Variants in CPNE5 observed in about 807,000 individuals in gnomAD.
CPNE5 encodes copine-5.
Under a neutral mutation model 81.1 loss-of-function variants are expected in CPNE5, and 42 were observed. The ratio of observed to expected loss-of-function variants is 0.52; its 90% confidence interval spans 0.40 to 0.67. The LOEUF is 0.67. Among genes scored for constraint, CPNE5 ranks in the 30% least tolerant of loss-of-function variants. The pLI is 0.00. For synonymous variants in CPNE5, 313 were observed against 321.5 expected (o/e 0.97, Z 0.28); for missense variants, 612 against 815.5 (o/e 0.75, Z 3.04).
Position 36,743,866 on chromosome 6 carries a change from G to A in CPNE5, c.1490-104C>T, listed in dbSNP as rs141023219. 6,510 of 997,920 alleles carry A rather than the reference G, an allele frequency of 6.5e-3. 34 individuals carry two copies. The highest frequency in any genetic ancestry group is 0.013 in the Middle Eastern group (61 of 4,832). 61.8% of individuals were successfully genotyped at this position (997,920 alleles called of 1,614,324 possible). A position where few individuals can be genotyped will look rare whatever the true frequency, so the allele number is the denominator to read the frequency against. ...TTTCATCCCAGGCCAATCCAGGGCC[G>A]AGACCACTGGCCCATGCCCCGTGTT... On this transcript the variant is annotated intron_variant, in intron 19 of 20. Coordinates refer to ENST00000244751, the MANE Select transcript of CPNE5 (RefSeq NM_020939.2).
Position 36,782,997 on chromosome 6 carries a change from G to A in CPNE5, c.529-4040C>T, listed in dbSNP as rs570053021. On this transcript the variant is annotated intron_variant, in intron 8 of 20. Transcript: ENST00000244751. ...TAATGTAGAAGAATAGCGCCCCCTT[G>A]TGAGCCTGTGGAGAAGGCGAAAGGA... 2.6e-5 allele frequency among the ~76,000 whole-genome samples: 4 copies of A among 152,082 alleles called. 1 individual carries two copies. The highest frequency in any genetic ancestry group is 7.2e-5 in the African/African-American group (3 of 41,402).
intron 13 of CPNE5, 126 bp downstream of exon 13, chr6:36,756,119 C>CT: frequency 2.1e-6 from 1 of 467,288 alleles, no homozygotes; most frequent in Non-Finnish European, 3.9e-6. Context: ...CCCCATCTCT[C>CT]TTGGATGTCT....
Position 36,822,096 on chromosome 6 carries a change from G to A in CPNE5, c.183+18C>T, listed in dbSNP as rs1772101764. The stretch of plus-strand genomic sequence containing the variant: ...GGAACAGGCTGGTGTTTCTGGTGTG[G>A]GAAGGAGCTGCACCTACCTCCCGCC... On this transcript the variant is annotated intron_variant, in intron 3 of 20. Coordinates refer to ENST00000244751, the MANE Select transcript of CPNE5 (RefSeq NM_020939.2). 6.5e-7 allele frequency: 1 copy of A among 1,527,606 alleles called. No homozygotes were observed. The highest frequency in any genetic ancestry group is 8.8e-7 in the Non-Finnish European group (1 of 1,130,574). The allele number at this position is 1,527,606 out of a possible 1,614,324, so 94.6% of individuals were successfully genotyped here.
chr6:36,775,142 G>T, intron 9 of CPNE5, 77 bp from the exon 10 acceptor site: 2 of 1,045,022 alleles, frequency 1.9e-6, no homozygotes, highest in Non-Finnish European at 3.0e-6. Context: ...AGAGGAGTCA[G>T]CTGGTTCACA....
At chr6:36,793,623 C>T (rs1769291199) in intron 7 of CPNE5, among the ~76,000 whole-genome samples, 1 of 152,150 alleles carries the variant, frequency 6.6e-6, no homozygotes, top group Non-Finnish European at 1.5e-5. Context: ...CTCCCTCCCT[C>T]CCTGTCTTTG....
intron 10 of CPNE5, among the ~76,000 whole-genome samples, chr6:36,765,727 C>T (rs1025343098): frequency 6.6e-5 from 10 of 152,094 alleles, no homozygotes; most frequent in African/African-American, 1.4e-4. Context: ...GGTGGAGGAG[C>T]GGGGAGGTGG....
chr6:36,768,225 CTTTTTTTT>C (rs10586762), intron 10 of CPNE5, among the ~76,000 whole-genome samples: 4 of 60,514 alleles, frequency 6.6e-5, no homozygotes, highest in African/African-American at 1.9e-4. Context: ...ATTCACAGTT[CTTTTTTTT>C]TTTTTTTTTT....
intron 13 of CPNE5, 119 bp from the exon 14 acceptor site, chr6:36,753,214 C>T (rs1765037866): frequency 5.4e-6 from 4 of 738,590 alleles, no homozygotes; most frequent in Non-Finnish European, 7.3e-6. Context: ...TGCATGACTG[C>T]ATGCACTGCC....
intron 8 of CPNE5, among the ~76,000 whole-genome samples, chr6:36,781,622 C>T (rs537215649): frequency 6.8e-5 from 10 of 147,712 alleles, no homozygotes; most frequent in African/African-American, 2.4e-4. Context: ...ACTTTAAATG[C>T]CCCCCTAGGG....
chr6:36,808,305 G>A (rs1770782857), intron 3 of CPNE5, among the ~76,000 whole-genome samples: 1 of 152,072 alleles, frequency 6.6e-6, no homozygotes, highest in Admixed American at 6.6e-5. Context: ...TGACCAGGCT[G>A]GTCTCGAACT....
chr6:36,814,739 G>A (rs1771384774), intron 3 of CPNE5, among the ~76,000 whole-genome samples: 1 of 152,160 alleles, frequency 6.6e-6, no homozygotes, highest in African/African-American at 2.4e-5. Context: ...GCTCAGGTTG[G>A]TAAAGGGACA....
chr6:36,816,402 C>A (rs1026307082), intron 3 of CPNE5, among the ~76,000 whole-genome samples: 1 of 152,198 alleles, frequency 6.6e-6, no homozygotes, highest in African/African-American at 2.4e-5. Context: ...ATGGTTAAAA[C>A]CAGCTGAAAG....
intron 10 of CPNE5, among the ~76,000 whole-genome samples, chr6:36,772,012 C>T (rs1355918267): frequency 6.6e-6 from 1 of 152,110 alleles, no homozygotes; most frequent in East Asian, 1.9e-4. Flanking sequence ...GCCCCTCCCA[C>T]CAAATAAATA....
At chr6:36,759,439 C>T (rs926295252) in intron 12 of CPNE5, among the ~76,000 whole-genome samples, 2 of 151,628 alleles carry the variant, frequency 1.3e-5, no homozygotes, top group East Asian at 3.9e-4. Flanking sequence ...GGAATCTGCC[C>T]TCCTGCGCAC....
intron 12 of CPNE5, among the ~76,000 whole-genome samples, chr6:36,761,044 A>T (rs1765972646): frequency 6.6e-6 from 1 of 152,188 alleles, no homozygotes. Flanking sequence ...CTGAGAAAAC[A>T]AGTCAATTGA....
intron 3 of CPNE5, among the ~76,000 whole-genome samples, chr6:36,809,555 G>C (rs1370911643): frequency 1.3e-5 from 2 of 151,902 alleles, no homozygotes; most frequent in Admixed American, 6.6e-5. Context: ...CAGCCTGGGC[G>C]ACAGAGCACG....
chr6:36,768,274 G>A (rs1811118), intron 10 of CPNE5, among the ~76,000 whole-genome samples: 35,551 of 113,014 alleles, frequency 0.31, 5,140 homozygotes, highest in Middle Eastern at 0.39. Context: ...TCGCTCTGTC[G>A]CCCAAGCTGG....
At chr6:36,821,124 T>C (rs9368961) in intron 3 of CPNE5, among the ~76,000 whole-genome samples, 13 of 108,518 alleles carry the variant, frequency 1.2e-4, no homozygotes, top group East Asian at 8.2e-4. Flanking sequence ...ATGGAAGGGC[T>C]ACTAAGCCAT....
chr6:36,773,100 T>A (rs751482318), intron 10 of CPNE5, among the ~76,000 whole-genome samples: 13 of 152,156 alleles, frequency 8.5e-5, no homozygotes, highest in South Asian at 2.1e-4. Context: ...CGCGGGCTGG[T>A]CTTGAACTCC....
Sources: gnomAD v4.1 joint callset for allele counts (sites outside exome capture counted in the v4.1 genomes callset) on GRCh38, gnomAD v4.1.1 for gene constraint, MANE v1.5 for transcripts, NCBI Gene and HGNC (gene_info 2026-07-23, HGNC 2026-07-21) for gene names.